The following LYG2 variants were observed in gnomAD, a reference collection of about 807,000 sequenced individuals.
LYG2 encodes lysozyme g-like protein 2.
In LYG2, 25 loss-of-function variants were observed where a neutral mutation model predicts 22.4. That is an observed-to-expected ratio of 1.12 (90% CI 0.81 to 1.56). The LOEUF (loss-of-function observed/expected upper bound fraction) is 1.56, where lower values mean the gene tolerates loss of function less well. Ranked by LOEUF, LYG2 falls within the 40% of genes most tolerant of loss-of-function variation. LYG2 has a pLI of 0.00. For missense variants in LYG2, 266 were observed against 269.5 expected (o/e 0.99, Z 0.09); for synonymous variants, 88 against 97.0 (o/e 0.91, Z 0.55).
upstream of LYG2, among the ~76,000 whole-genome samples, chr2:99,256,715 A>G (rs2094037037): frequency 6.7e-6 from 1 of 148,956 alleles, no homozygotes; most frequent in East Asian, 1.9e-4. Context: ...TTCTGCTCTC[A>G]GTTAGTGGGG....
Position 99,242,304 on chromosome 2 carries a change from A to G in LYG2, c.*60T>C. The G allele has an allele frequency of 2.2e-6, 2 of 890,272 alleles. No individual in the cohort carries two copies. The highest frequency in any genetic ancestry group is 3.6e-6 in the Non-Finnish European group (2 of 558,592). 55.1% of individuals were successfully genotyped at this position (890,272 alleles called of 1,614,324 possible). On this transcript the variant is annotated 3_prime_UTR_variant, in exon 7 of 7. Coordinates refer to ENST00000333017, the MANE Select transcript of LYG2 (RefSeq NM_175735.4). Reference sequence around the variant, plus strand: ...GTGTTGTATACAACACATTCACGTAAAACTCTCAAAGGCGGCCATCTGAGC... The same window carrying G: ...GTGTTGTATACAACACATTCACGTAGAACTCTCAAAGGCGGCCATCTGAGC...
chr2:99,250,591 G>A lies in LYG2; in HGVS notation c.43+3627C>T, dbSNP rs544492034. ...GGGTTTCAGCATGTTAGCCAGGATG[G>A]TCTCGATCTGCTGACCTTGTGATCC... On this transcript the variant is annotated intron_variant, in intron 3 of 6. Transcript: ENST00000333017. Among the ~76,000 whole-genome samples, 24 of 152,260 alleles carry A rather than the reference G, an allele frequency of 1.6e-4. No homozygotes were observed. In the South Asian group the frequency reaches 1.7e-3, roughly 11 times the overall value.
chr2:99,255,357 T>G (rs1346812758), intron 1 of LYG2: 1 of 152,154 alleles, frequency 6.6e-6, no homozygotes, highest in African/African-American at 2.4e-5. Context: ...TTAGGCCTGG[T>G]TATAATAGTA....
chr2:99,243,596 TG>T, intron 6 of LYG2: 8 of 1,120,248 alleles, frequency 7.1e-6, no homozygotes, highest in Non-Finnish European at 8.9e-6. Context: ...AGTGCAGTGA[TG>T]TAATCAATGC....
At chr2:99,243,886 C>T in intron 6 of LYG2, 113 bp downstream of exon 6, 2 of 1,283,504 alleles carry the variant, frequency 1.6e-6, no homozygotes, top group Non-Finnish European at 2.2e-6. Flanking sequence ...GACAGCTCCT[C>T]CCAGGGCCAC....
rs1484679046 is a variant in LYG2 at position 99,245,286 on chromosome 2, C to G, written c.357G>C (p.Arg119Ser). The G allele has an allele frequency of 1.2e-6, 2 of 1,607,526 alleles. No individual in the cohort carries two copies. The highest frequency in any genetic ancestry group is 4.5e-5 in the East Asian group (2 of 44,542). Residue 119 changes from arginine to serine, a missense_variant, in exon 5 of 7, where the codon AGG (arginine) becomes AGC (serine). Transcript: ENST00000333017. The part of the protein sequence containing the change: ...GSVLQDGWDH[R>S]GLKFGLMQLD... Reference sequence around the variant, plus strand: ...CCTGCATCAAGCCAAATTTAAGTCCCCTGTGGTCCCAGCCGTCTTGCAGGA... The same window carrying G: ...CCTGCATCAAGCCAAATTTAAGTCCGCTGTGGTCCCAGCCGTCTTGCAGGA...
chr2:99,243,433 T>G, intron 6 of LYG2: 1 of 1,549,948 alleles, frequency 6.5e-7, no homozygotes, highest in Non-Finnish European at 8.7e-7. Context: ...GTTCAGACAA[T>G]TTGGAAAGTT....
In LYG2 at chr2:99,255,026, T is replaced by G. The variant is rs2094033815; in HGVS notation, c.-32A>C. On this transcript the variant is annotated 5_prime_UTR_variant, in exon 2 of 7. Coordinates refer to ENST00000333017, the MANE Select transcript of LYG2 (RefSeq NM_175735.4). ...TAAGAAGGCCAGCACTAACCTTGTTTGCAACCTTACAGAGAAAATCTCCCC... is the reference window on the plus strand; with the variant it reads ...TAAGAAGGCCAGCACTAACCTTGTTGGCAACCTTACAGAGAAAATCTCCCC... 1 of 152,286 alleles carries G rather than the reference T, an allele frequency of 6.6e-6. No homozygotes were observed. Among genetic ancestry groups the G allele is most frequent in the South Asian group, 2.1e-4 (1 of 4,834 alleles). 9.4% of individuals were successfully genotyped at this position (152,286 alleles called of 1,614,324 possible). A position where few individuals can be genotyped will look rare whatever the true frequency, so the allele number is the denominator to read the frequency against.
At chr2:99,250,581 A>G (rs111876633) in intron 3 of LYG2, among the ~76,000 whole-genome samples, 4,214 of 152,194 alleles carry the variant, frequency 0.028, 135 homozygotes, top group African/African-American at 0.065. Context: ...TCAGCATGTT[A>G]GCCAGGATGG....
chr2:99,246,663 C>T lies in LYG2; in HGVS notation c.184+17G>A. Reference sequence around the variant, plus strand: ...ATGAAAGGGGGAAGCCAGTCATTTGCTCTGCTTTTCACTTACCGCAGTTCA... The same window carrying T: ...ATGAAAGGGGGAAGCCAGTCATTTGTTCTGCTTTTCACTTACCGCAGTTCA... On this transcript the variant is annotated intron_variant, in intron 4 of 6. Transcript: ENST00000333017. The T allele has an allele frequency of 6.2e-7, 1 of 1,603,982 alleles. No individual in the cohort carries two copies. The highest frequency in any genetic ancestry group is 8.5e-7 in the Non-Finnish European group (1 of 1,177,474).
chr2:99,243,599 A>AC, intron 6 of LYG2: 5 of 1,091,814 alleles, frequency 4.6e-6, no homozygotes, highest in Non-Finnish European at 5.2e-6. Flanking sequence ...GCAGTGATGT[A>AC]ATCAATGCTC....
chr2:99,242,551 A>G (rs554013558), intron 6 of LYG2, 69 bp from the exon 7 acceptor site: 5 of 1,052,688 alleles, frequency 4.7e-6, no homozygotes, highest in African/African-American at 3.2e-5. Flanking sequence ...GAGCATTGCC[A>G]AGATGTTAGC....
intron 3 of LYG2, among the ~76,000 whole-genome samples, chr2:99,250,960 C>A (rs1420261303): frequency 1.3e-5 from 2 of 152,060 alleles, no homozygotes; most frequent in Admixed American, 1.3e-4. Context: ...TCTCCAGGGA[C>A]AAAATAGTAT....
intron 3 of LYG2, among the ~76,000 whole-genome samples, chr2:99,252,821 C>T (rs897514133): frequency 7.2e-5 from 11 of 151,850 alleles, no homozygotes; most frequent in Admixed American, 3.9e-4. Context: ...CCAAGGCGGA[C>T]GGATCACGAG....
intron 3 of LYG2, among the ~76,000 whole-genome samples, chr2:99,249,443 A>T (rs2094022443): frequency 1.3e-5 from 2 of 149,506 alleles, no homozygotes. Context: ...AAAAAAAAGG[A>T]TTTTGTTAAA....
chr2:99,249,880 C>T (rs2094023126), intron 3 of LYG2, among the ~76,000 whole-genome samples: 3 of 152,128 alleles, frequency 2.0e-5, no homozygotes, highest in Admixed American at 6.6e-5. Context: ...AACTGACCTC[C>T]CTGATTCACT....
chr2:99,249,761 C>CAAAAAAAAAAAAA (rs70940156), intron 3 of LYG2, among the ~76,000 whole-genome samples: 1 of 65,296 alleles, frequency 1.5e-5, no homozygotes. Context: ...AACTCTGTCT[C>CAAAAAAAAAAAAA]AAAAAAAAAA....
chr2:99,254,977 G>A (rs912573597), intron 2 of LYG2, 43 bp downstream of exon 2: 12 of 152,178 alleles, frequency 7.9e-5, no homozygotes, highest in African/African-American at 2.9e-4. Context: ...CATTCAAATG[G>A]TAGCTTATAA....
In LYG2 at chr2:99,244,709, T is replaced by C. The variant is rs1415157656; in HGVS notation, c.381+553A>G. 2.6e-5 allele frequency among the ~76,000 whole-genome samples: 4 copies of C among 152,230 alleles called. 1 individual carries two copies. Among genetic ancestry groups the C allele is most frequent in the African/African-American group, 9.6e-5 (4 of 41,458 alleles). ...GTTTTAGTGTATTACATATTATTTA[T>C]TGCAGAATGGTAGTTATGAAACTCC... On this transcript the variant is annotated intron_variant, in intron 5 of 6. Transcript: ENST00000333017.
Sources: allele counts gnomAD v4.1 joint callset (sites outside exome capture counted in the v4.1 genomes callset), GRCh38; gene constraint gnomAD v4.1.1; transcripts MANE v1.5; gene names NCBI Gene and HGNC (gene_info 2026-07-23, HGNC 2026-07-21).